Variants in GRID2 observed in about 807,000 individuals in gnomAD.
GRID2 encodes glutamate receptor ionotropic, delta-2.
GRID2 carries 33 observed loss-of-function variants against 114.8 expected under a neutral mutation model. The ratio of observed to expected loss-of-function variants is 0.29; its 90% CI spans 0.22 to 0.38. The LOEUF is 0.38. Ranked by LOEUF, GRID2 falls within the 10% of genes least tolerant of loss-of-function variation. The pLI, the probability that GRID2 is intolerant of heterozygous loss-of-function variation, is 1.00. For synonymous variants in GRID2, 505 were observed against 449.9 expected, an observed-to-expected ratio of 1.12 and a Z score of -1.55; for missense variants, 1,184 against 1,257.7, an observed-to-expected ratio of 0.94 and a Z score of 0.89.
chr4:92,791,788 T>C (rs1739604365), intron 2 of GRID2, among the ~76,000 whole-genome samples: 2 of 151,804 alleles, frequency 1.3e-5, no homozygotes, highest in South Asian at 4.1e-4. Flanking sequence ...CAGAACTTTA[T>C]AAGCAGTGTT....
chr4:93,682,457 T>C (rs1274366585), intron 14 of GRID2, among the ~76,000 whole-genome samples: 2 of 151,886 alleles, frequency 1.3e-5, no homozygotes, highest in African/African-American at 4.8e-5. Context: ...CTATAAATCA[T>C]GCTGCTATAA....
chr4:92,966,826 C>A (rs1753188130), intron 2 of GRID2, among the ~76,000 whole-genome samples: 1 of 151,928 alleles, frequency 6.6e-6, no homozygotes, highest in Non-Finnish European at 1.5e-5. Context: ...AATAAAGGCT[C>A]TGTGTGTCTT....
intron 3 of GRID2, among the ~76,000 whole-genome samples, chr4:93,105,393 C>G (rs545957791): frequency 3.2e-3 from 486 of 152,240 alleles, no homozygotes; most frequent in Admixed American, 5.8e-3. Flanking sequence ...ATGCCTATGT[C>G]CTGAACGGTA....
At chr4:93,519,593 A>G (rs182154967) in intron 13 of GRID2, among the ~76,000 whole-genome samples, 176 of 152,292 alleles carry the variant, frequency 1.2e-3, no homozygotes, top group African/African-American at 4.2e-3. Context: ...TATGAGGGCC[A>G]TATTCACTTC....
At chr4:93,254,174 C>CT (rs1195948383) in intron 8 of GRID2, among the ~76,000 whole-genome samples, 1 of 151,986 alleles carries the variant, frequency 6.6e-6, no homozygotes, top group Non-Finnish European at 1.5e-5. Context: ...ATGGCTTTTA[C>CT]TTACTGGTAG....
rs190579362 is a variant in GRID2, at chr4:92,760,191, T to C, written c.244+169905T>C. ...GAGGCAGAGGCTGCAGTGACCAAGATTGGGCCACTGCACTCCAGCCTGGGT... is the reference window on the plus strand; with the variant it reads ...GAGGCAGAGGCTGCAGTGACCAAGACTGGGCCACTGCACTCCAGCCTGGGT... On this transcript the variant is annotated intron_variant, in intron 2 of 15. Coordinates refer to ENST00000282020, the MANE Select transcript of GRID2 (RefSeq NM_001510.4). Among the ~76,000 whole-genome samples, 1,405 of 143,280 alleles carry C rather than the reference T, an allele frequency of 9.8e-3. 16 individuals are homozygous for C. Among genetic ancestry groups the C allele is most frequent in the South Asian group, 0.037 (166 of 4,484 alleles). The allele number at this position is 143,280 out of a possible 152,430, so 94.0% of individuals were successfully genotyped here. A position where few individuals can be genotyped will look rare whatever the true frequency, so the allele number is the denominator to read the frequency against.
At chr4:93,282,342 G>A (rs765693175) in intron 8 of GRID2, 7 of 432,522 alleles carry the variant, frequency 1.6e-5, no homozygotes, top group South Asian at 1.2e-4. Flanking sequence ...CAGAGATGGA[G>A]TAGTTTATAA....
chr4:93,732,545 T>C (rs1405993044), intron 14 of GRID2, among the ~76,000 whole-genome samples: 1 of 152,196 alleles, frequency 6.6e-6, no homozygotes, highest in Non-Finnish European at 1.5e-5. Context: ...GCAAGATTTT[T>C]CTTGGCACTC....
chr4:92,803,584 A>G (rs1740274578), intron 2 of GRID2, among the ~76,000 whole-genome samples: 1 of 152,086 alleles, frequency 6.6e-6, no homozygotes, highest in African/African-American at 2.4e-5. Context: ...ATCTCCTCAT[A>G]TAATAACTTT....
intron 13 of GRID2, among the ~76,000 whole-genome samples, chr4:93,562,385 C>T (rs1735016173): frequency 6.6e-6 from 1 of 151,666 alleles, no homozygotes; most frequent in East Asian, 1.9e-4. Flanking sequence ...TTTTTTTAAT[C>T]AGGTCATTAA....
At chr4:93,140,183 GA>G (rs1394898881) in intron 4 of GRID2, among the ~76,000 whole-genome samples, 14 of 117,434 alleles carry the variant, frequency 1.2e-4, no homozygotes, top group Non-Finnish European at 1.8e-4. Flanking sequence ...TTTTGAGACT[GA>G]GTCTCACTCT....
At chr4:92,563,533 C>G (rs1356915215) in intron 1 of GRID2, among the ~76,000 whole-genome samples, 1 of 152,038 alleles carries the variant, frequency 6.6e-6, no homozygotes, top group African/African-American at 2.4e-5. Context: ...ATGTATAGTT[C>G]TAATTTTACC....
chr4:93,461,806 T>G (rs1411571418), intron 11 of GRID2, among the ~76,000 whole-genome samples: 2 of 152,176 alleles, frequency 1.3e-5, no homozygotes, highest in Admixed American at 6.5e-5. Context: ...TTTTATGTCC[T>G]CCGTTATCTC....
chr4:92,406,797 T>C (rs1731047543), intron 1 of GRID2, among the ~76,000 whole-genome samples: 1 of 151,644 alleles, frequency 6.6e-6, no homozygotes, highest in Admixed American at 6.6e-5. Context: ...AGTAAGAACA[T>C]GTGGTATTTG....
intron 11 of GRID2, among the ~76,000 whole-genome samples, chr4:93,457,984 A>C (rs562904938): frequency 6.6e-6 from 1 of 152,226 alleles, no homozygotes; most frequent in African/African-American, 2.4e-5. Context: ...TTTAGGAGAT[A>C]TTGGAATGTA....
At chr4:93,019,392 G>A (rs2149243581) in intron 2 of GRID2, among the ~76,000 whole-genome samples, 2 of 152,070 alleles carry the variant, frequency 1.3e-5, no homozygotes, top group East Asian at 3.9e-4. Context: ...CATATTCTTG[G>A]GGCCTGAAGT....
intron 2 of GRID2, among the ~76,000 whole-genome samples, chr4:92,893,688 T>G (rs1486928698): frequency 6.6e-6 from 1 of 152,136 alleles, no homozygotes; most frequent in Non-Finnish European, 1.5e-5. Flanking sequence ...TTAAAAGATT[T>G]CCTACTGTGC....
intron 2 of GRID2, among the ~76,000 whole-genome samples, chr4:92,638,566 G>C (rs1323779462): frequency 6.0e-5 from 9 of 149,138 alleles, no homozygotes; most frequent in Non-Finnish European, 1.0e-4. Flanking sequence ...TGAATCATGA[G>C]AATCTTTTAT....
At chr4:92,488,139 A>T (rs993732703) in intron 1 of GRID2, among the ~76,000 whole-genome samples, 3 of 152,138 alleles carry the variant, frequency 2.0e-5, no homozygotes, top group African/African-American at 7.2e-5. Flanking sequence ...TACACTTTCT[A>T]TAAAGGTATA....
Sources: gnomAD v4.1 joint callset for allele counts (sites outside exome capture counted in the v4.1 genomes callset) on GRCh38, gnomAD v4.1.1 for gene constraint, MANE v1.5 for transcripts, NCBI Gene and HGNC (gene_info 2026-07-23, HGNC 2026-07-21) for gene names.